Variants in HECTD4 observed in about 807,000 individuals in gnomAD.
The protein encoded by HECTD4 is probable E3 ubiquitin-protein ligase HECTD4.
Under a neutral mutation model 471.5 loss-of-function variants are expected in HECTD4, and 114 were observed. The observed-to-expected ratio is 0.24, with a 90% CI of 0.21 to 0.28. HECTD4 has a LOEUF of 0.28. Ranked by LOEUF, HECTD4 falls within the 10% of genes least tolerant of loss-of-function variation. The pLI, the probability that HECTD4 is intolerant of heterozygous loss-of-function variation, is 1.00. For missense variants in HECTD4, 3,866 were observed against 5,651.5 expected, an observed-to-expected ratio of 0.68 and a Z score of 10.13; for synonymous variants, 2,012 against 2,256.0, an observed-to-expected ratio of 0.89 and a Z score of 3.07.
intron 68 of HECTD4, chr12:112,170,698 A>C: frequency 1.9e-6 from 1 of 513,794 alleles, no homozygotes; most frequent in Non-Finnish European, 3.5e-6. Flanking sequence ...GAATGTAGAA[A>C]ATGATACCTA....
chr12:112,376,364 A>C (rs1047965504), intron 1 of HECTD4, among the ~76,000 whole-genome samples: 1 of 151,840 alleles, frequency 6.6e-6, no homozygotes, highest in African/African-American at 2.4e-5. Flanking sequence ...CTCCTGCCTC[A>C]GCCTCCCGAG....
chr12:112,265,900 T>C lies in HECTD4; in HGVS notation c.2476A>G (p.Ser826Gly), dbSNP rs1052224434. 7 of 1,613,566 alleles carry C rather than the reference T, an allele frequency of 4.3e-6. No individual in the cohort carries two copies. The highest frequency in any genetic ancestry group is 2.2e-5 in the East Asian group (1 of 44,884). The part of the protein sequence containing the change: ...AEQLQNNRFG[S>G]DEDDHYRLND... ...CACCTGTAATGATCATCCTCATCACTGCCAAATCGGTTGTTTTGGAGCTGT... is the reference window on the plus strand; with the variant it reads ...CACCTGTAATGATCATCCTCATCACCGCCAAATCGGTTGTTTTGGAGCTGT... Residue 826 changes from serine to glycine, a missense_variant, in exon 15 of 76, where the codon AGT becomes GGT. Physicochemically the swap from Ser to Gly is moderately conservative, Grantham distance 56. This residue lies in a region of HECTD4 where 525 missense variants were observed against 672.6 expected (regional missense o/e 0.78). Transcript: ENST00000682272.
At chr12:112,290,983 C>T (rs1304625230) in intron 7 of HECTD4, among the ~76,000 whole-genome samples, 1 of 152,038 alleles carries the variant, frequency 6.6e-6, no homozygotes, top group Non-Finnish European at 1.5e-5. Context: ...TTTTTTACCA[C>T]CTCCATCATT....
Position 112,313,115 on chromosome 12 carries a change from G to A in HECTD4, c.818C>T (p.Pro273Leu). The A allele has an allele frequency of 1.3e-6, 2 of 1,535,468 alleles. No homozygotes were observed. Among genetic ancestry groups the A allele is most frequent in the Non-Finnish European group, 1.7e-6 (2 of 1,146,582 alleles). ...GTGTTTGCCCCCAAGCAAACAGGAG[G>A]GAGATCCAGGCCCCCCTTCCAAAAG... Reference protein sequence around the residue: ...LLLLEGGPGSPSCLLGGKHIV... With the variant: ...LLLLEGGPGSLSCLLGGKHIV... Residue 273 changes from proline to leucine, a missense_variant, in exon 4 of 76, where the codon CCC (proline) becomes CTC (leucine). Coordinates refer to ENST00000682272, the MANE Select transcript of HECTD4 (RefSeq NM_001388303.1).
intron 7 of HECTD4, among the ~76,000 whole-genome samples, chr12:112,289,900 C>T (rs1026808023): frequency 6.6e-6 from 1 of 152,054 alleles, no homozygotes; most frequent in East Asian, 2.0e-4. Flanking sequence ...TGGTCTCCAA[C>T]TCCTGACCTC....
chr12:112,217,079 C>A lies in HECTD4; in HGVS notation c.7191G>T (p.Leu2397=). The A allele has an allele frequency of 6.3e-7, 1 of 1,586,674 alleles. No individual in the cohort carries two copies. Among genetic ancestry groups the A allele is most frequent in the Non-Finnish European group, 8.6e-7 (1 of 1,165,958 alleles). The change falls in exon 46 of 76, where the codon CTG becomes CTT. Residue 2397 remains leucine (L), a synonymous_variant. Transcript: ENST00000682272. ...TGGCATAGATAAAAGTGCCCCGGGG[C>A]AGGCCTCCCCCAGCGCTGGGGTCAG... The part of the protein sequence containing the change: ...FLADPSAGGG[L]PRGTFIYATS...
Position 112,212,665 on chromosome 12 carries a change from G to A in HECTD4, c.7466-15C>T, listed in dbSNP as rs375351962. The A allele has an allele frequency of 6.3e-6, 10 of 1,576,486 alleles. No individual in the cohort carries two copies. The highest frequency in any genetic ancestry group is 4.1e-5 in the African/African-American group (3 of 73,460). ...TGCCACGTCACCTATAGCAGAGAAC[G>A]GGAAGGAAAACATATTTTCTCCCTT... On this transcript the variant is annotated splice_polypyrimidine_tract_variant and intron_variant, in intron 48 of 75. Coordinates refer to ENST00000682272, the MANE Select transcript of HECTD4 (RefSeq NM_001388303.1).
intron 1 of HECTD4, among the ~76,000 whole-genome samples, chr12:112,323,965 TCTTCCTTCCTTCCTTC>T (rs1248538588): frequency 1.5e-3 from 67 of 43,966 alleles, no homozygotes; most frequent in Non-Finnish European, 2.1e-3. Context: ...TTTCTTTCTT[TCTTCCTTCCTTCCTTC>T]CTTCCTTCCT....
chr12:112,354,674 G>C (rs955868340), intron 1 of HECTD4, among the ~76,000 whole-genome samples: 1 of 151,876 alleles, frequency 6.6e-6, no homozygotes, highest in Non-Finnish European at 1.5e-5. Flanking sequence ...CAACAGAGCA[G>C]ACTGTCTCAA....
chr12:112,265,289 AT>A lies in HECTD4; in HGVS notation c.2504del (p.Asn835MetfsTer9). 6.4e-7 allele frequency: 1 copy of A among 1,556,614 alleles called. No individual in the cohort carries two copies. Reference protein sequence around the residue: ...GSDEDDHYRLNDELLHYILKI... With the variant: ...GSDEDDHYRLXDELLHYILKI... ...TCAGAATGTAGTGTAAAAGTTCATC[AT>A]TTAGTCTTTAAAATGCAGGAAAAAT... On this transcript the variant is annotated frameshift_variant, in exon 16 of 76. Transcript: ENST00000682272. LOFTEE classifies it high-confidence loss of function.
chr12:112,267,065 A>C, intron 13 of HECTD4, 83 bp from the exon 14 acceptor site: 1 of 820,602 alleles, frequency 1.2e-6, no homozygotes, highest in East Asian at 2.7e-5. Context: ...ATTTTTATTA[A>C]AGATGTCAAT....
rs975053522 is a variant in HECTD4, at chr12:112,257,745, C to T, written c.3128+751G>A. 3.9e-5 allele frequency among the ~76,000 whole-genome samples: 6 copies of T among 152,190 alleles called. No homozygotes were observed. In the East Asian group the frequency reaches 7.7e-4, roughly 20 times the overall value. On this transcript the variant is annotated intron_variant, in intron 20 of 75. Coordinates refer to ENST00000682272, the MANE Select transcript of HECTD4 (RefSeq NM_001388303.1). ...GCTTATCCATTCACTTACTGATGGA[C>T]GTTTATGTTGTTTCCAGTTTTGGGC...
rs2034012229 is a variant in HECTD4 at position 112,256,497 on chromosome 12, C to T, written c.3150G>A (p.Glu1050=). 1 of 1,589,710 alleles carries T rather than the reference C, an allele frequency of 6.3e-7. No homozygotes were observed. Among genetic ancestry groups the T allele is most frequent in the Non-Finnish European group, 8.5e-7 (1 of 1,171,230 alleles). ...TCTTTAAACCAGTGAGAAATCCTGG[C>T]TCTTCCTTCTCTTCTAACATTCTAA... The part of the protein sequence containing the change: ...PDERMLEEKE[E]PGFLTGLKIP... The change falls in exon 21 of 76, where the codon GAG becomes GAA. Residue 1050 remains glutamate (E), a synonymous_variant. Transcript: ENST00000682272.
At chr12:112,245,975 T>C (rs1471568635) in intron 29 of HECTD4, among the ~76,000 whole-genome samples, 2 of 151,700 alleles carry the variant, frequency 1.3e-5, no homozygotes, top group Admixed American at 6.6e-5. Context: ...CTACTAAAAA[T>C]ACAAAAATTA....
Position 112,279,406 on chromosome 12 carries a change from TG to T in HECTD4, c.1529-21del. The T allele has an allele frequency of 6.4e-7, 1 of 1,569,680 alleles. No homozygotes were observed. The highest frequency in any genetic ancestry group is 8.6e-7 in the Non-Finnish European group (1 of 1,163,994). The stretch of plus-strand genomic sequence containing the variant: ...TATTTGCTGGAGAAAGGAATGAAAA[TG>T]CTAAATCAAAATATTTGACACAAAA... On this transcript the variant is annotated intron_variant, in intron 8 of 75. Transcript: ENST00000682272.
chr12:112,233,214 C>CTTTT (rs546999938), intron 37 of HECTD4, 129 bp from the exon 38 acceptor site: 96 of 235,702 alleles, frequency 4.1e-4, no homozygotes, highest in Middle Eastern at 1.5e-3. Context: ...CTAACATTAG[C>CTTTT]TTTTTTTTTT....
Position 112,381,432 on chromosome 12 carries a change from C to T in HECTD4, c.177+520G>A, listed in dbSNP as rs2036885122. 6.6e-6 allele frequency among the ~76,000 whole-genome samples: 1 copy of T among 152,166 alleles called. No individual in the cohort carries two copies. Among genetic ancestry groups the T allele is most frequent in the Non-Finnish European group, 1.5e-5 (1 of 68,042 alleles). On this transcript the variant is annotated intron_variant, in intron 1 of 75. Transcript: ENST00000682272. This position sits in a 1 kb window ranked among gnomAD's most constrained non-coding sequence, Gnocchi z 4.1. ...ACAACACAGAGAAGTTGCTGGATTG[C>T]CCATCGCGGACCCGCAGCTGCCACT... is the stretch of plus-strand genomic sequence containing the variant.
Position 112,179,377 on chromosome 12 carries a change from C to G in HECTD4, c.11008G>C (p.Ala3670Pro). ...AATATCTCCGTCAGAACCTCTCTGG[C>G]TCCGGGCACCAGCTTCTCCCCTGTT... ...SIKGEKLVPG[A>P]REVLTEIFKS... The change falls in exon 63 of 76, where the codon GCC becomes CCC. Residue 3670 changes from alanine to proline, a missense_variant. By Grantham distance (27) the Ala-to-Pro change is conservative. Around this residue, in one of 16 missense-constraint regions of HECTD4, gnomAD observed 715 missense variants for 1,087.6 expected, o/e 0.66. Transcript: ENST00000682272. The surrounding 1 kb of genome is among the most constrained non-coding windows in gnomAD (Gnocchi z 4.3). The G allele has an allele frequency of 6.2e-7, 1 of 1,611,804 alleles. No homozygotes were observed. The highest frequency in any genetic ancestry group is 2.2e-5 in the East Asian group (1 of 44,856).
At chr12:112,310,574 C>CA (rs2035351961) in intron 4 of HECTD4, among the ~76,000 whole-genome samples, 1 of 152,078 alleles carries the variant, frequency 6.6e-6, no homozygotes, top group African/African-American at 2.4e-5. Flanking sequence ...TGAAGCATGC[C>CA]ATATTAGCTG....
Sources: gnomAD v4.1 joint callset for allele counts (sites outside exome capture counted in the v4.1 genomes callset) on GRCh38, gnomAD v4.1.1 for gene constraint, gnomAD v4.1.1 regional missense constraint, Gnocchi (gnomAD v3.1) non-coding constraint, MANE v1.5 for transcripts, NCBI Gene and HGNC (gene_info 2026-07-23, HGNC 2026-07-21) for gene names.